The following UNC5D variants were observed in gnomAD, a reference collection of about 807,000 sequenced individuals.
UNC5D encodes netrin receptor UNC5D.
In UNC5D, 39 loss-of-function variants were observed where a neutral mutation model predicts 105.4. The ratio of observed to expected loss-of-function variants is 0.37; its 90% CI spans 0.29 to 0.48. UNC5D has a LOEUF of 0.48. UNC5D is among the 20% of genes least tolerant of loss of function. The pLI, the probability that UNC5D is intolerant of heterozygous loss-of-function variation, is 0.98. For synonymous variants in UNC5D, 452 were observed against 450.4 expected, an observed-to-expected ratio of 1.00 and a Z score of -0.04; for missense variants, 991 against 1,202.4, an observed-to-expected ratio of 0.82 and a Z score of 2.60.
At chr8:35,351,496 T>TC (rs1023362140) in intron 1 of UNC5D, among the ~76,000 whole-genome samples, 3 of 152,100 alleles carry the variant, frequency 2.0e-5, no homozygotes, top group Non-Finnish European at 4.4e-5. Flanking sequence ...AGGCGTACCA[T>TC]CACGGTTGTA....
rs564684298 is a variant in UNC5D at position 35,400,228 on chromosome 8, T to C, written c.104-149064T>C. On this transcript the variant is annotated intron_variant, in intron 1 of 16. Coordinates refer to ENST00000404895, the MANE Select transcript of UNC5D (RefSeq NM_080872.4). ...TAAGCCACTTTTAGTTGAGATCCTT[T>C]TTTTTTTAACGGAAAAAATGCTGAT... Among the ~76,000 whole-genome samples, 4 of 152,212 alleles carry C rather than the reference T, an allele frequency of 2.6e-5. No homozygotes were observed. The South Asian group carries it at 8.3e-4, about 32-fold the overall frequency.
chr8:35,488,692 T>A (rs1455246921), intron 1 of UNC5D, among the ~76,000 whole-genome samples: 3 of 152,230 alleles, frequency 2.0e-5, no homozygotes, highest in Non-Finnish European at 4.4e-5. Context: ...ATGATCATAT[T>A]CTGCTTTCCT....
intron 4 of UNC5D, among the ~76,000 whole-genome samples, chr8:35,664,077 T>G (rs1824275397): frequency 6.6e-6 from 1 of 152,210 alleles, no homozygotes; most frequent in Non-Finnish European, 1.5e-5. Context: ...ATGTGATACT[T>G]CTGATGTTTG....
chr8:35,549,874 G>A (rs1289208316), intron 2 of UNC5D, among the ~76,000 whole-genome samples: 1 of 151,518 alleles, frequency 6.6e-6, no homozygotes, highest in Non-Finnish European at 1.5e-5. Context: ...TTGTTAAGCA[G>A]CATGATTTGA....
At chr8:35,668,268 T>G (rs1824560874) in intron 4 of UNC5D, among the ~76,000 whole-genome samples, 1 of 152,144 alleles carries the variant, frequency 6.6e-6, no homozygotes, top group South Asian at 2.1e-4. Context: ...TATTTCCTAT[T>G]GATTTTTGGG....
At chr8:35,541,367 G>T (rs1815262216) in intron 1 of UNC5D, among the ~76,000 whole-genome samples, 1 of 152,118 alleles carries the variant, frequency 6.6e-6, no homozygotes, top group Non-Finnish European at 1.5e-5. Context: ...ACCCACATAA[G>T]ACCAATGGTT....
chr8:35,492,567 G>A (rs909116419), intron 1 of UNC5D, among the ~76,000 whole-genome samples: 1 of 151,112 alleles, frequency 6.6e-6, no homozygotes, highest in Non-Finnish European at 1.5e-5. Context: ...ATTATTAACC[G>A]ACAGTAGACA....
At chr8:35,245,670 C>T (rs1803046003) in intron 1 of UNC5D, among the ~76,000 whole-genome samples, 1 of 152,210 alleles carries the variant, frequency 6.6e-6, no homozygotes, top group Admixed American at 6.5e-5. Context: ...AGCTAACTTG[C>T]AATGCACATC....
intron 11 of UNC5D, among the ~76,000 whole-genome samples, chr8:35,745,048 C>CT (rs1380681101): frequency 3.3e-5 from 5 of 150,650 alleles, no homozygotes; most frequent in African/African-American, 9.7e-5. Flanking sequence ...GAGCAAAACT[C>CT]TGTCTCAAAA....
At chr8:35,387,143 G>A (rs1418062279) in intron 1 of UNC5D, among the ~76,000 whole-genome samples, 3 of 151,858 alleles carry the variant, frequency 2.0e-5, no homozygotes, top group South Asian at 2.1e-4. Context: ...GGCAGATCAC[G>A]AGGTCAGGAG....
intron 1 of UNC5D, among the ~76,000 whole-genome samples, chr8:35,345,513 T>A (rs907447410): frequency 6.6e-6 from 1 of 152,064 alleles, no homozygotes; most frequent in African/African-American, 2.4e-5. Flanking sequence ...AATTTTCTGA[T>A]CTAATTTTCA....
Position 35,794,651 on chromosome 8 carries a change from G to A in UNC5D, c.*4088G>A, listed in dbSNP as rs1203596974. On this transcript the variant is annotated 3_prime_UTR_variant, in exon 17 of 17. Coordinates refer to ENST00000404895, the MANE Select transcript of UNC5D (RefSeq NM_080872.4). Reference sequence around the variant, plus strand: ...TGTCCAATGTCACAAAAGTGAAAATGTTACTAATCTTAGATGTGTTGCATA... The same window carrying A: ...TGTCCAATGTCACAAAAGTGAAAATATTACTAATCTTAGATGTGTTGCATA... 6 of 152,612 alleles carry A rather than the reference G, an allele frequency of 3.9e-5. No individual in the cohort carries two copies. The highest frequency in any genetic ancestry group is 1.4e-4 in the African/African-American group (6 of 41,448). 9.5% of individuals were successfully genotyped at this position (152,612 alleles called of 1,614,324 possible). A position where few individuals can be genotyped will look rare whatever the true frequency, so the allele number is the denominator to read the frequency against.
At chr8:35,654,605 T>A (rs145888422) in intron 4 of UNC5D, among the ~76,000 whole-genome samples, 1 of 152,194 alleles carries the variant, frequency 6.6e-6, no homozygotes, top group Non-Finnish European at 1.5e-5. Context: ...AGCCTGGCGA[T>A]GCTTTTCAAA....
chr8:35,354,859 A>G (rs936548311), intron 1 of UNC5D, among the ~76,000 whole-genome samples: 7 of 152,138 alleles, frequency 4.6e-5, no homozygotes, highest in Admixed American at 2.6e-4. Flanking sequence ...CTTCACTCAC[A>G]TGTGCAGCAC....
chr8:35,321,675 G>A (rs1378251415), intron 1 of UNC5D, among the ~76,000 whole-genome samples: 1 of 152,132 alleles, frequency 6.6e-6, no homozygotes, highest in Non-Finnish European at 1.5e-5. Flanking sequence ...AATGGGCATG[G>A]CAGATAACTG....
At chr8:35,533,427 G>T (rs1179278652) in intron 1 of UNC5D, among the ~76,000 whole-genome samples, 1 of 152,042 alleles carries the variant, frequency 6.6e-6, no homozygotes, top group Admixed American at 6.6e-5. Context: ...GCTGCGTGCT[G>T]GGAGAACCAC....
chr8:35,741,950 A>G (rs1829783668), intron 11 of UNC5D, among the ~76,000 whole-genome samples: 2 of 152,238 alleles, frequency 1.3e-5, no homozygotes, highest in Admixed American at 1.3e-4. Context: ...AAAACATCAC[A>G]GTTTTAGAAC....
chr8:35,270,933 A>G (rs1805237470), intron 1 of UNC5D, among the ~76,000 whole-genome samples: 2 of 151,866 alleles, frequency 1.3e-5, no homozygotes, highest in Admixed American at 1.3e-4. Flanking sequence ...TGGTATATAT[A>G]TATATATTAT....
chr8:35,434,186 C>A (rs540812194), intron 1 of UNC5D, among the ~76,000 whole-genome samples: 1 of 152,140 alleles, frequency 6.6e-6, no homozygotes, highest in South Asian at 2.1e-4. Context: ...TCAAAATTGA[C>A]AGTAAATTAA....
Sources: gnomAD v4.1 joint callset for allele counts (sites outside exome capture counted in the v4.1 genomes callset) on GRCh38, gnomAD v4.1.1 for gene constraint, MANE v1.5 for transcripts, NCBI Gene and HGNC (gene_info 2026-07-23, HGNC 2026-07-21) for gene names.